TMEM232: variants seen among roughly 807,000 people sequenced by gnomAD.
TMEM232 encodes the protein transmembrane protein 232.
In TMEM232, 80 loss-of-function variants were observed where a neutral mutation model predicts 78.8. That is an observed-to-expected ratio of 1.01 (90% CI 0.85 to 1.22). The LOEUF (loss-of-function observed/expected upper bound fraction) is 1.22. Ranked by LOEUF, TMEM232 falls within the 50% of genes most tolerant of loss-of-function variation. TMEM232 has a pLI of 0.00. For missense variants in TMEM232, 881 were observed against 742.2 expected, an observed-to-expected ratio of 1.19 and a Z score of -2.17; for synonymous variants, 297 against 254.3, an observed-to-expected ratio of 1.17 and a Z score of -1.60.
rs184666657 is a variant in TMEM232, at chr5:110,455,429, G to A, written c.1704-30513C>T. Among the ~76,000 whole-genome samples, 622 of 151,268 alleles carry A rather than the reference G, an allele frequency of 4.1e-3. 19 individuals are homozygous for A. In the East Asian group the frequency reaches 0.048, roughly 12 times the overall value. ...GTCTTGCTGTGTTGCCCAGGCTGGA[G>A]TGCAGTGGCGCAATCTCGGCTCACT... is the stretch of plus-strand genomic sequence containing the variant. On this transcript the variant is annotated intron_variant, in intron 12 of 13. Transcript: ENST00000455884.
intron 10 of TMEM232, among the ~76,000 whole-genome samples, chr5:110,584,003 C>T (rs917475294): frequency 4.0e-5 from 6 of 148,444 alleles, no homozygotes; most frequent in East Asian, 2.0e-4. Flanking sequence ...AGACAAGTGT[C>T]GGCAGGGTTG....
At chr5:110,528,468 C>A in intron 12 of TMEM232, 120 bp downstream of exon 12, 1 of 1,161,290 alleles carries the variant, frequency 8.6e-7, no homozygotes, top group East Asian at 2.8e-5. Flanking sequence ...GTGATCAAGC[C>A]AAAATTTGAA....
intron 1 of TMEM232, chr5:110,667,663 A>T (rs1417608467): frequency 5.8e-6 from 1 of 173,092 alleles, no homozygotes; most frequent in Admixed American, 6.3e-5. Flanking sequence ...CCATACAACC[A>T]GACTAAGTGC....
intron 11 of TMEM232, among the ~76,000 whole-genome samples, chr5:110,539,237 T>C (rs954438601): frequency 1.3e-5 from 2 of 152,084 alleles, no homozygotes; most frequent in Non-Finnish European, 2.9e-5. Context: ...AATACCTAAT[T>C]AAGCTGGAAG....
At chr5:110,597,617 T>C (rs1161219287) in intron 10 of TMEM232, among the ~76,000 whole-genome samples, 33 of 151,426 alleles carry the variant, frequency 2.2e-4, no homozygotes, top group Admixed American at 4.0e-4. Flanking sequence ...CAAACTATAC[T>C]ACAAGGCTAC....
At chr5:110,605,472 G>A in intron 9 of TMEM232, 114 bp from the exon 10 acceptor site, 27 of 1,231,326 alleles carry the variant, frequency 2.2e-5, no homozygotes, top group Non-Finnish European at 2.9e-5. Context: ...ATATCTAAAT[G>A]TGTTCATTAA....
chr5:110,518,226 C>G (rs1768981647), intron 12 of TMEM232, among the ~76,000 whole-genome samples: 1 of 152,020 alleles, frequency 6.6e-6, no homozygotes, highest in Non-Finnish European at 1.5e-5. Context: ...TCTGTATACA[C>G]TTTCCCTTGC....
downstream of TMEM232, among the ~76,000 whole-genome samples, chr5:110,417,331 T>A (rs1367909619): frequency 6.6e-6 from 1 of 152,038 alleles, no homozygotes; most frequent in Non-Finnish European, 1.5e-5. Flanking sequence ...CAACTCAAAG[T>A]GGGAAGAATG....
intron 2 of TMEM232, among the ~76,000 whole-genome samples, chr5:110,662,042 A>T (rs1198587196): frequency 2.0e-5 from 3 of 152,132 alleles, no homozygotes; most frequent in Non-Finnish European, 4.4e-5. Flanking sequence ...TATTCTGGTT[A>T]ATAGTCCCTT....
chr5:110,585,317 A>G (rs1778687457), intron 10 of TMEM232, among the ~76,000 whole-genome samples: 1 of 152,166 alleles, frequency 6.6e-6, no homozygotes, highest in African/African-American at 2.4e-5. Context: ...CAAATCTTCT[A>G]GAGAAGAGTA....
intron 1 of TMEM232, among the ~76,000 whole-genome samples, chr5:110,695,844 T>A (rs1278796257): frequency 1.3e-5 from 2 of 152,076 alleles, no homozygotes; most frequent in Non-Finnish European, 2.9e-5. Context: ...CAGGACCAGA[T>A]GGATTCACAG....
At chr5:110,562,029 G>A (rs1775808042) in intron 11 of TMEM232, among the ~76,000 whole-genome samples, 1 of 152,020 alleles carries the variant, frequency 6.6e-6, no homozygotes, top group South Asian at 2.1e-4. Flanking sequence ...GTCGTACAGA[G>A]CACTGAATAA....
chr5:110,625,607 C>T (rs1159387888), intron 6 of TMEM232, 174 bp from the exon 7 acceptor site: 2 of 434,130 alleles, frequency 4.6e-6, no homozygotes, highest in African/African-American at 2.1e-5. Flanking sequence ...TAATAGAATA[C>T]TAGACGGTAA....
chr5:110,655,800 G>A (rs191855961), intron 2 of TMEM232, among the ~76,000 whole-genome samples: 2,486 of 150,508 alleles, frequency 0.017, 38 homozygotes, highest in Middle Eastern at 0.024. Context: ...GTAAACTATC[G>A]CAAGGACAAA....
intron 11 of TMEM232, among the ~76,000 whole-genome samples, chr5:110,545,335 C>T (rs926183840): frequency 6.6e-6 from 1 of 151,938 alleles, no homozygotes; most frequent in East Asian, 1.9e-4. Context: ...GGTTAATATA[C>T]ATTATATATA....
At chr5:110,701,831 A>G (rs1431362275) in intron 1 of TMEM232, among the ~76,000 whole-genome samples, 3 of 152,050 alleles carry the variant, frequency 2.0e-5, no homozygotes, top group South Asian at 2.1e-4. Context: ...CAAATCTGCT[A>G]TATTGTAAAA....
intron 12 of TMEM232, among the ~76,000 whole-genome samples, chr5:110,514,389 A>T (rs1768277620): frequency 6.6e-6 from 1 of 152,150 alleles, no homozygotes; most frequent in African/African-American, 2.4e-5. Flanking sequence ...TCACAATCTT[A>T]CTAAGAATTA....
At chr5:110,404,627 G>T (rs146315605) in intron 2 of TMEM232, among the ~76,000 whole-genome samples, 66 of 152,138 alleles carry the variant, frequency 4.3e-4, no homozygotes, top group Non-Finnish European at 8.5e-4. Context: ...TTTATATGAA[G>T]AAGAGCTAAA....
intron 2 of TMEM232, among the ~76,000 whole-genome samples, chr5:110,406,990 T>C (rs1164476195): frequency 6.6e-6 from 1 of 151,902 alleles, no homozygotes; most frequent in Non-Finnish European, 1.5e-5. Context: ...AAATCTGAAA[T>C]AGATTCACTA....
Sources: gnomAD v4.1 joint callset for allele counts (sites outside exome capture counted in the v4.1 genomes callset) on GRCh38, gnomAD v4.1.1 for gene constraint, MANE v1.5 for transcripts, NCBI Gene and HGNC (gene_info 2026-07-23, HGNC 2026-07-21) for gene names.